The following CCDC83 variants were observed in gnomAD, a reference collection of about 807,000 sequenced individuals.
CCDC83 encodes coiled-coil domain-containing protein 83.
In CCDC83, 54 loss-of-function variants were observed where a neutral mutation model predicts 50.1. That is an observed-to-expected ratio of 1.08 (90% CI 0.87 to 1.35). The LOEUF (loss-of-function observed/expected upper bound fraction) is 1.35. Among genes scored for constraint, CCDC83 ranks in the 40% most tolerant of loss-of-function variants. The pLI is 0.00. For synonymous variants in CCDC83, 161 were observed against 153.3 expected (o/e 1.05, Z -0.37); for missense variants, 518 against 473.9 (o/e 1.09, Z -0.86).
At chr11:85,917,167 A>AGAGAGAGAGAGAAG (rs1554986879) in intron 10 of CCDC83, among the ~76,000 whole-genome samples, 16 of 86,956 alleles carry the variant, frequency 1.8e-4, no homozygotes, top group African/African-American at 6.1e-4. Context: ...AGAGAGAGAG[A>AGAGAGAGAGAGAAG]GAAAGAAAGA....
At chr11:85,903,430 G>A (rs769724543) in intron 7 of CCDC83, among the ~76,000 whole-genome samples, 21 of 151,898 alleles carry the variant, frequency 1.4e-4, no homozygotes, top group Non-Finnish European at 1.5e-5. Context: ...AAGAAGCTGG[G>A]ATTACAGGCA....
At position 85,870,948 on chromosome 11, in the gene CCDC83, C is replaced by A. The variant is rs575065902; in HGVS notation, c.96-2263C>A. ...TCGGGAGGCTGAGGCAGGTGGATCA[C>A]TTGAGACCAGGATTTCAAGACCAGC... On this transcript the variant is annotated intron_variant, in intron 2 of 10. Transcript: ENST00000342404. Among the ~76,000 whole-genome samples the A allele has an allele frequency of 4.6e-5, 7 of 152,246 alleles. No homozygotes were observed. The South Asian group carries it at 1.5e-3, about 32-fold the overall frequency.
At chr11:85,864,871 G>A (rs1341716853) in intron 1 of CCDC83, among the ~76,000 whole-genome samples, 1 of 152,148 alleles carries the variant, frequency 6.6e-6, no homozygotes, top group Non-Finnish European at 1.5e-5. Context: ...AGAAAGTTTT[G>A]GGTGGAGGGA....
chr11:85,889,571 G>C (rs764903252), intron 5 of CCDC83, among the ~76,000 whole-genome samples: 3 of 152,160 alleles, frequency 2.0e-5, no homozygotes, highest in Non-Finnish European at 4.4e-5. Context: ...ACTCCACCAG[G>C]GGAACTATTA....
chr11:85,911,837 G>A lies in CCDC83; in HGVS notation c.794+435G>A, dbSNP rs540941839. The stretch of plus-strand genomic sequence containing the variant: ...GTGGATTGTAGAATTATTTCTTTCG[G>A]TTGAAAGAGTCAAAACTACTCTGTA... On this transcript the variant is annotated intron_variant, in intron 8 of 10. Coordinates refer to ENST00000342404, the MANE Select transcript of CCDC83 (RefSeq NM_001286159.2). 8.5e-5 allele frequency among the ~76,000 whole-genome samples: 13 copies of A among 152,226 alleles called. No homozygotes were observed. The East Asian group carries it at 2.3e-3, about 27-fold the overall frequency.
intron 3 of CCDC83, among the ~76,000 whole-genome samples, chr11:85,879,356 A>C (rs2093286228): frequency 6.6e-6 from 1 of 151,854 alleles, no homozygotes; most frequent in South Asian, 2.1e-4. Context: ...CTACCTGCAG[A>C]TGTCCAGTTG....
At chr11:85,916,900 C>T (rs554437485) in intron 10 of CCDC83, among the ~76,000 whole-genome samples, 2 of 151,966 alleles carry the variant, frequency 1.3e-5, no homozygotes, top group South Asian at 2.1e-4. Context: ...CACCTGAGAT[C>T]GGAAATTTGA....
In CCDC83 at chr11:85,911,422, A is replaced by G. The variant is rs2093453590; in HGVS notation, c.794+20A>G. On this transcript the variant is annotated intron_variant, in intron 8 of 10. Coordinates refer to ENST00000342404, the MANE Select transcript of CCDC83 (RefSeq NM_001286159.2). ...ACCCAGGTGAAAATTGTTAATATAT[A>G]GAGAGTATTTTGTAAACATTTGTAT... 2 of 1,539,236 alleles carry G rather than the reference A, an allele frequency of 1.3e-6. No individual in the cohort carries two copies. Among genetic ancestry groups the G allele is most frequent in the East Asian group, 2.4e-5 (1 of 42,526 alleles).
rs2093476526 is a variant in CCDC83, at chr11:85,916,179, G to A, written c.1026G>A (p.Glu342=). ...ATAAAGAGGAAAACTCAGGCACAGA[G>A]TTTGGGGACACTGATATGAAGTACT... is the stretch of plus-strand genomic sequence containing the variant. ...KIDKEENSGT[E]FGDTDMKYLL... Residue 342 remains glutamate (E), a synonymous_variant, in exon 10 of 11, where the codon GAG becomes GAA. Coordinates refer to ENST00000342404, the MANE Select transcript of CCDC83 (RefSeq NM_001286159.2). 1.2e-6 allele frequency: 2 copies of A among 1,613,446 alleles called. No homozygotes were observed. The highest frequency in any genetic ancestry group is 4.5e-5 in the East Asian group (2 of 44,806).
intron 7 of CCDC83, among the ~76,000 whole-genome samples, chr11:85,908,014 T>C (rs1016302370): frequency 6.6e-6 from 1 of 152,210 alleles, no homozygotes; most frequent in Non-Finnish European, 1.5e-5. Context: ...GCATTCAAGC[T>C]TGTAATCAAA....
At chr11:85,887,905 C>T (rs2093334628) in intron 5 of CCDC83, among the ~76,000 whole-genome samples, 1 of 147,334 alleles carries the variant, frequency 6.8e-6, no homozygotes, top group Non-Finnish European at 1.5e-5. Context: ...CAGGCTCAAA[C>T]AATCCTCCCA....
chr11:85,919,437 C>T lies in CCDC83; in HGVS notation c.1169C>T (p.Pro390Leu), dbSNP rs773434139. ...ATTCATTTTCAAGAGAAGGAAATTCCAGTCAAACTCTATAAAGATGTCAGG... is the reference window on the plus strand; with the variant it reads ...ATTCATTTTCAAGAGAAGGAAATTCTAGTCAAACTCTATAAAGATGTCAGG... ...MPIHFQEKEI[P>L]VKLYKDVRSP... The change falls in exon 11 of 11, where the codon CCA becomes CTA. Residue 390 changes from proline (P) to leucine (L), a missense_variant. Coordinates refer to ENST00000342404, the MANE Select transcript of CCDC83 (RefSeq NM_001286159.2). 1.9e-6 allele frequency: 3 copies of T among 1,612,952 alleles called. No individual in the cohort carries two copies. The highest frequency in any genetic ancestry group is 1.7e-6 in the Non-Finnish European group (2 of 1,179,148).
rs1251261591 is a variant in CCDC83, at chr11:85,905,971, A to AG, written c.673-5310_673-5309insG. Among the ~76,000 whole-genome samples, 1,110 of 141,480 alleles carry AG rather than the reference A, an allele frequency of 7.8e-3. 4 individuals are homozygous for AG. The highest frequency in any genetic ancestry group is 0.029 in the African/African-American group (1,020 of 34,678). 92.8% of individuals were successfully genotyped at this position (141,480 alleles called of 152,430 possible). ...GCGACAAGAGCATGACTCCGTCTCA[A>AG]AAAAAAAAAAAAAAAAAAAAGAGTA... On this transcript the variant is annotated intron_variant, in intron 7 of 10. Transcript: ENST00000342404.
At position 85,911,347 on chromosome 11, in the gene CCDC83, T is replaced by G. The variant is rs762973972; in HGVS notation, c.739T>G (p.Leu247Val). 1.9e-6 allele frequency: 3 copies of G among 1,611,166 alleles called. No homozygotes were observed. The highest frequency in any genetic ancestry group is 3.4e-5 in the Admixed American group (2 of 59,574). ...NAIHELEAEN[L>V]VLIDQLSNCR... ...TATTCATGAACTGGAAGCAGAAAATTTGGTGCTTATTGATCAACTATCCAA... is the reference window on the plus strand; with the variant it reads ...TATTCATGAACTGGAAGCAGAAAATGTGGTGCTTATTGATCAACTATCCAA... Residue 247 changes from leucine to valine, a missense_variant, in exon 8 of 11, where the codon TTG (leucine) becomes GTG (valine). Transcript: ENST00000342404.
At chr11:85,866,454 A>G (rs1464994403) in intron 2 of CCDC83, among the ~76,000 whole-genome samples, 1 of 152,142 alleles carries the variant, frequency 6.6e-6, no homozygotes, top group Non-Finnish European at 1.5e-5. Context: ...TTGAGAGGCC[A>G]AGGCAGGTGG....
In CCDC83 at chr11:85,886,341, T is replaced by C; in HGVS notation, c.485T>C (p.Val162Ala). The change falls in exon 5 of 11, where the codon GTT (valine) becomes GCT (alanine). Residue 162 changes from valine to alanine, a missense_variant. Coordinates refer to ENST00000342404, the MANE Select transcript of CCDC83 (RefSeq NM_001286159.2). ...ITSLQNDINT[V>A]KENAEKMSEH... ...TCCTTACAAAATGACATCAACACAG[T>C]TAAAGAGAATGCAGAGAAAATGTCA... The C allele has an allele frequency of 6.3e-7, 1 of 1,594,290 alleles. No homozygotes were observed. The highest frequency in any genetic ancestry group is 8.5e-7 in the Non-Finnish European group (1 of 1,173,658).
chr11:85,904,854 A>C (rs969093474), intron 7 of CCDC83, among the ~76,000 whole-genome samples: 3 of 152,212 alleles, frequency 2.0e-5, no homozygotes, highest in Non-Finnish European at 4.4e-5. Context: ...TAGTGAGTCT[A>C]GGAAACAAGG....
intron 5 of CCDC83, among the ~76,000 whole-genome samples, chr11:85,890,725 G>A (rs529901489): frequency 6.6e-6 from 1 of 152,326 alleles, no homozygotes; most frequent in East Asian, 1.9e-4. Context: ...AGCACTGAGA[G>A]AGGAATCATG....
chr11:85,905,010 A>T (rs1228144553), intron 7 of CCDC83, among the ~76,000 whole-genome samples: 1 of 152,246 alleles, frequency 6.6e-6, no homozygotes, highest in Non-Finnish European at 1.5e-5. Flanking sequence ...AACAATTTTT[A>T]AGGCTGGGCA....
Sources: allele counts gnomAD v4.1 joint callset (sites outside exome capture counted in the v4.1 genomes callset), GRCh38; gene constraint gnomAD v4.1.1; transcripts MANE v1.5; gene names NCBI Gene and HGNC (gene_info 2026-07-23, HGNC 2026-07-21).